The following SGCZ variants were observed in gnomAD, a reference collection of about 807,000 sequenced individuals.
SGCZ encodes sarcoglycan zeta.
A neutral mutation model predicts 41.3 loss-of-function variants in SGCZ; 40 were observed. The ratio of observed to expected loss-of-function variants is 0.97; its 90% CI spans 0.75 to 1.26. The LOEUF (loss-of-function observed/expected upper bound fraction) is 1.26. SGCZ is among the 50% of genes most tolerant of loss of function. The probability of loss-of-function intolerance (pLI) is 0.00; values close to 1 mark genes in which losing one functional copy is unlikely to be tolerated. For synonymous variants in SGCZ, 206 were observed against 137.5 expected (o/e 1.50, Z -3.49); for missense variants, 552 against 369.8 (o/e 1.49, Z -4.04).
intron 3 of SGCZ, among the ~76,000 whole-genome samples, chr8:14,291,621 T>C (rs998779720): frequency 5.3e-5 from 8 of 152,006 alleles, no homozygotes; most frequent in Non-Finnish European, 1.2e-4. Flanking sequence ...ATTACATTAA[T>C]ATGTATTTTA....
chr8:14,240,221 G>T (rs1030631408), intron 3 of SGCZ, among the ~76,000 whole-genome samples: 1 of 151,068 alleles, frequency 6.6e-6, no homozygotes, highest in Non-Finnish European at 1.5e-5. Flanking sequence ...CCAGCTACTC[G>T]GGAGGCTGAG....
intron 1 of SGCZ, among the ~76,000 whole-genome samples, chr8:15,025,543 G>A (rs4598251): frequency 0.55 from 84,095 of 151,978 alleles, 24,384 homozygotes; most frequent in Non-Finnish European, 0.65. Context: ...AAAGTATACA[G>A]TGGTCAAAGG....
intron 1 of SGCZ, among the ~76,000 whole-genome samples, chr8:14,926,050 A>G (rs1799738689): frequency 6.6e-6 from 1 of 152,214 alleles, no homozygotes; most frequent in African/African-American, 2.4e-5. Flanking sequence ...AATGTAAATG[A>G]ATTCCCAAAA....
intron 1 of SGCZ, among the ~76,000 whole-genome samples, chr8:14,569,720 G>T (rs564764412): frequency 6.6e-6 from 1 of 152,174 alleles, no homozygotes; most frequent in Non-Finnish European, 1.5e-5. Flanking sequence ...AATTTAGATA[G>T]GGCAGCCTGT....
intron 3 of SGCZ, among the ~76,000 whole-genome samples, chr8:14,316,487 C>T (rs1192828084): frequency 6.6e-6 from 1 of 151,882 alleles, no homozygotes; most frequent in Non-Finnish European, 1.5e-5. Flanking sequence ...CTGTAATTTA[C>T]ATGATAACAA....
At chr8:15,195,522 G>A (rs1800694208) in intron 1 of SGCZ, among the ~76,000 whole-genome samples, 1 of 152,028 alleles carries the variant, frequency 6.6e-6, no homozygotes, top group Non-Finnish European at 1.5e-5. Flanking sequence ...TTTGTTTCTT[G>A]CTGTCATCAG....
intron 6 of SGCZ, among the ~76,000 whole-genome samples, chr8:14,103,252 C>G (rs1563128071): frequency 1.3e-5 from 2 of 149,432 alleles, no homozygotes; most frequent in East Asian, 2.1e-4. Flanking sequence ...TTCAAACTAT[C>G]TTCAAATATA....
chr8:14,916,453 G>A (rs569585849), intron 1 of SGCZ, among the ~76,000 whole-genome samples: 1 of 152,330 alleles, frequency 6.6e-6, no homozygotes, highest in Non-Finnish European at 1.5e-5. Flanking sequence ...TAGCAGAAAT[G>A]TAGATATGAT....
chr8:15,072,914 C>T (rs1267602923), intron 1 of SGCZ, among the ~76,000 whole-genome samples: 1 of 152,162 alleles, frequency 6.6e-6, no homozygotes. Flanking sequence ...AAGAGTCTTA[C>T]ATCTTTGCTT....
At chr8:14,358,799 T>C (rs1012274091) in intron 2 of SGCZ, among the ~76,000 whole-genome samples, 1 of 151,908 alleles carries the variant, frequency 6.6e-6, no homozygotes, top group Non-Finnish European at 1.5e-5. Flanking sequence ...TTAGTAGAGA[T>C]GGGGTTTCAC....
At chr8:14,717,736 T>C (rs764001864) in intron 1 of SGCZ, among the ~76,000 whole-genome samples, 7 of 152,180 alleles carry the variant, frequency 4.6e-5, no homozygotes, top group African/African-American at 9.7e-5. Context: ...ACAGCCATTC[T>C]TAGCTGGCAC....
In SGCZ at chr8:14,297,453, C is replaced by G. The variant is rs192593893; in HGVS notation, c.336+26650G>C. ...CATAATTAAAAAAAGGGAAAAGTATCAAAAACAGAAGTATCTTATTTGAAT... is the reference window on the plus strand; with the variant it reads ...CATAATTAAAAAAAGGGAAAAGTATGAAAAACAGAAGTATCTTATTTGAAT... On this transcript the variant is annotated intron_variant, in intron 3 of 7. Transcript: ENST00000382080. Among the ~76,000 whole-genome samples, 503 of 151,130 alleles carry G rather than the reference C, an allele frequency of 3.3e-3. 3 individuals are homozygous for G. Among genetic ancestry groups the G allele is most frequent in the African/African-American group, 0.011 (467 of 41,214 alleles).
intron 2 of SGCZ, among the ~76,000 whole-genome samples, chr8:14,542,994 T>G (rs1345429482): frequency 6.6e-6 from 1 of 152,012 alleles, no homozygotes; most frequent in Non-Finnish European, 1.5e-5. Flanking sequence ...AAACCAGTGA[T>G]TGTAAACAAG....
intron 1 of SGCZ, among the ~76,000 whole-genome samples, chr8:14,611,210 C>CT: frequency 6.6e-6 from 1 of 152,240 alleles, no homozygotes; most frequent in Admixed American, 6.5e-5. Flanking sequence ...AACACTGAGT[C>CT]TTTCCTCTAT....
At chr8:14,736,393 A>C (rs1266122258) in intron 1 of SGCZ, among the ~76,000 whole-genome samples, 1 of 152,204 alleles carries the variant, frequency 6.6e-6, no homozygotes, top group Non-Finnish European at 1.5e-5. Flanking sequence ...TGCATTCTAC[A>C]TTAAATGAAA....
At chr8:14,945,616 C>A (rs1489366131) in intron 1 of SGCZ, among the ~76,000 whole-genome samples, 1 of 151,868 alleles carries the variant, frequency 6.6e-6, no homozygotes, top group Non-Finnish European at 1.5e-5. Flanking sequence ...AAGGGCGTTT[C>A]CGGAGGAGAT....
At chr8:14,634,295 T>C (rs1259439044) in intron 1 of SGCZ, among the ~76,000 whole-genome samples, 1 of 151,888 alleles carries the variant, frequency 6.6e-6, no homozygotes, top group Non-Finnish European at 1.5e-5. Context: ...CTTTGTTATT[T>C]GTTTAAAAAT....
rs147547809 is a variant in SGCZ at position 14,819,676 on chromosome 8, T to C, written c.40-264750A>G. ...AAAAACAATAGCTCCAAGTAGTGGC[T>C]AAGGAACACACAACAGATAAATAAG... is the stretch of plus-strand genomic sequence containing the variant. On this transcript the variant is annotated intron_variant, in intron 1 of 7. Coordinates refer to ENST00000382080, the MANE Select transcript of SGCZ (RefSeq NM_139167.4). Among the ~76,000 whole-genome samples the C allele has an allele frequency of 5.6e-3, 850 of 152,214 alleles. 4 individuals carry two copies. Among genetic ancestry groups the C allele is most frequent in the African/African-American group, 0.019 (810 of 41,546 alleles).
chr8:14,926,119 T>G (rs2130798193), intron 1 of SGCZ, among the ~76,000 whole-genome samples: 1 of 152,300 alleles, frequency 6.6e-6, no homozygotes, highest in African/African-American at 2.4e-5. Context: ...CACAGGTCAT[T>G]AAACGCAAAC....
Sources: gnomAD v4.1 joint callset for allele counts (sites outside exome capture counted in the v4.1 genomes callset) on GRCh38, gnomAD v4.1.1 for gene constraint, MANE v1.5 for transcripts, NCBI Gene and HGNC (gene_info 2026-07-23, HGNC 2026-07-21) for gene names.